The following NOX4 variants were observed in gnomAD, a reference collection of about 807,000 sequenced individuals.
NOX4 encodes the protein NADPH oxidase 4, also known as kidney oxidase-1.
NOX4 carries 69 observed loss-of-function variants against 87.6 expected under a neutral mutation model. The ratio of observed to expected loss-of-function variants is 0.79; its 90% CI spans 0.65 to 0.96. The LOEUF (loss-of-function observed/expected upper bound fraction) is 0.96. Ranked by LOEUF, NOX4 falls within the 40% of genes least tolerant of loss-of-function variation. The probability of loss-of-function intolerance (pLI) is 0.00; values close to 1 mark genes in which losing one functional copy is unlikely to be tolerated. For missense variants in NOX4, 680 were observed against 681.5 expected (o/e 1.00, Z 0.02); for synonymous variants, 275 against 238.2 (o/e 1.15, Z -1.42).
chr11:89,476,179 A>G (rs187008898), intron 2 of NOX4, among the ~76,000 whole-genome samples: 8 of 152,206 alleles, frequency 5.3e-5, no homozygotes, highest in Admixed American at 3.3e-4. Context: ...GTCTTTTAAG[A>G]AAATCCATTC....
At chr11:89,473,504 C>T (rs1458736021) in intron 2 of NOX4, among the ~76,000 whole-genome samples, 4 of 151,562 alleles carry the variant, frequency 2.6e-5, no homozygotes, top group African/African-American at 9.7e-5. Context: ...ACAATGATAC[C>T]TCTTCATTTA....
rs889177787 is a variant in NOX4, at chr11:89,378,988, T to G, written c.1075-5496A>C. 3.9e-5 allele frequency among the ~76,000 whole-genome samples: 6 copies of G among 152,156 alleles called. No individual in the cohort carries two copies. In the East Asian group the frequency reaches 1.2e-3, roughly 29 times the overall value. On this transcript the variant is annotated intron_variant, in intron 11 of 17. Transcript: ENST00000263317. Reference sequence around the variant, plus strand: ...TTTAATTGTATATTTGAATGAAAAATATATTCAATATTAAAAAGAAAGATT... The same window carrying G: ...TTTAATTGTATATTTGAATGAAAAAGATATTCAATATTAAAAAGAAAGATT...
chr11:89,363,741 G>C (rs1016821170), intron 12 of NOX4, among the ~76,000 whole-genome samples: 4 of 152,008 alleles, frequency 2.6e-5, no homozygotes, highest in African/African-American at 9.7e-5. Flanking sequence ...GAAAGATATG[G>C]AGCATACATC....
chr11:89,483,146 A>G (rs1946460690), intron 2 of NOX4, among the ~76,000 whole-genome samples: 1 of 152,128 alleles, frequency 6.6e-6, no homozygotes, highest in Non-Finnish European at 1.5e-5. Context: ...TCAATTAAAT[A>G]TAAGGATTAA....
At chr11:89,369,907 C>T (rs1939313847) in intron 12 of NOX4, among the ~76,000 whole-genome samples, 1 of 151,066 alleles carries the variant, frequency 6.6e-6, no homozygotes, top group African/African-American at 2.4e-5. Context: ...TATAATCTGA[C>T]TTACAAGGAG....
At chr11:89,360,374 A>C (rs907703746) in intron 12 of NOX4, among the ~76,000 whole-genome samples, 4 of 152,120 alleles carry the variant, frequency 2.6e-5, no homozygotes, top group African/African-American at 9.7e-5. Context: ...TAACTATTTG[A>C]GGTGATAAAT....
Position 89,326,670 on chromosome 11 carries a change from A to G in NOX4, c.*86T>C. The G allele has an allele frequency of 8.4e-7, 1 of 1,190,460 alleles. No individual in the cohort carries two copies. Among genetic ancestry groups the G allele is most frequent in the South Asian group, 1.6e-5 (1 of 64,276 alleles). 73.7% of individuals were successfully genotyped at this position (1,190,460 alleles called of 1,614,324 possible). On this transcript the variant is annotated 3_prime_UTR_variant, in exon 18 of 18. Coordinates refer to ENST00000263317, the MANE Select transcript of NOX4 (RefSeq NM_016931.5). ...GAAAACCTTACTATTCTTTGGCATA[A>G]CACAGCTGATTGATTCCGCTGAGTT...
Position 89,326,656 on chromosome 11 carries a change from T to C in NOX4, c.*100A>G. 1 of 960,326 alleles carries C rather than the reference T, an allele frequency of 1.0e-6. No individual in the cohort carries two copies. The highest frequency in any genetic ancestry group is 2.2e-5 in the South Asian group (1 of 46,494). 59.5% of individuals were successfully genotyped at this position (960,326 alleles called of 1,614,324 possible). ...ATAATCATAAATAAGAAAACCTTAC[T>C]ATTCTTTGGCATAACACAGCTGATT... is the stretch of plus-strand genomic sequence containing the variant. On this transcript the variant is annotated 3_prime_UTR_variant, in exon 18 of 18. Coordinates refer to ENST00000263317, the MANE Select transcript of NOX4 (RefSeq NM_016931.5).
chr11:89,426,294 G>C (rs1343168093), intron 7 of NOX4, among the ~76,000 whole-genome samples: 1 of 152,122 alleles, frequency 6.6e-6, no homozygotes, highest in Non-Finnish European at 1.5e-5. Context: ...CTCTCAGTGT[G>C]AGCAACGCAG....
At chr11:89,575,609 CCACT>C in the NOX4 span, among the ~76,000 whole-genome samples, 3 of 152,110 alleles carry the variant, frequency 2.0e-5, no homozygotes, top group Non-Finnish European at 4.4e-5. Flanking sequence ...ACCTCTTCTC[CCACT>C]CACTCCATCA....
chr11:89,387,105 T>C (rs1386582214), intron 11 of NOX4, among the ~76,000 whole-genome samples: 2 of 151,992 alleles, frequency 1.3e-5, no homozygotes, highest in Non-Finnish European at 1.5e-5. Context: ...GCCGATTATC[T>C]CTCCATACCA....
At chr11:89,549,391 T>TCACA in the NOX4 span, among the ~76,000 whole-genome samples, 1 of 152,216 alleles carries the variant, frequency 6.6e-6, no homozygotes, top group East Asian at 1.9e-4. Flanking sequence ...ACACGTCTTG[T>TCACA]TTCCTTCAAA....
chr11:89,352,861 C>G (rs899595394), intron 13 of NOX4, among the ~76,000 whole-genome samples: 5 of 152,120 alleles, frequency 3.3e-5, no homozygotes, highest in African/African-American at 1.2e-4. Context: ...ACTCTGTTGC[C>G]CAGGCTGGAG....
intron 7 of NOX4, among the ~76,000 whole-genome samples, chr11:89,430,595 C>A (rs1054615465): frequency 2.0e-5 from 3 of 152,040 alleles, no homozygotes; most frequent in African/African-American, 4.8e-5. Context: ...GAGTGAACTC[C>A]CATTCACAAT....
At chr11:89,588,911 G>A in the NOX4 span, among the ~76,000 whole-genome samples, 1 of 152,052 alleles carries the variant, frequency 6.6e-6, no homozygotes, top group African/African-American at 2.4e-5. Context: ...ATTGCAGAGG[G>A]GTCCCGTATA....
At chr11:89,518,711 G>A in the NOX4 span, among the ~76,000 whole-genome samples, 63 of 152,136 alleles carry the variant, frequency 4.1e-4, no homozygotes, top group Middle Eastern at 6.8e-3. Flanking sequence ...TAGAAAAGTT[G>A]TATGGTATAA....
At chr11:89,476,412 A>G (rs1477326737) in intron 2 of NOX4, among the ~76,000 whole-genome samples, 3 of 152,096 alleles carry the variant, frequency 2.0e-5, no homozygotes, top group Non-Finnish European at 4.4e-5. Flanking sequence ...TCCCTACATC[A>G]CACAATATAC....
At chr11:89,481,709 G>A (rs961967519) in intron 2 of NOX4, among the ~76,000 whole-genome samples, 1 of 152,086 alleles carries the variant, frequency 6.6e-6, no homozygotes. Context: ...CCAGGAGTTA[G>A]AGGACCTACA....
At chr11:89,364,908 A>C (rs1938829514) in intron 12 of NOX4, among the ~76,000 whole-genome samples, 1 of 152,126 alleles carries the variant, frequency 6.6e-6, no homozygotes, top group Admixed American at 6.6e-5. Context: ...GATTGTCTCA[A>C]GGTCACATGG....
Sources: allele counts gnomAD v4.1 joint callset (sites outside exome capture counted in the v4.1 genomes callset), GRCh38; gene constraint gnomAD v4.1.1; transcripts MANE v1.5; gene names NCBI Gene and HGNC (gene_info 2026-07-23, HGNC 2026-07-21).